The following CSGALNACT1 variants were observed in gnomAD, a reference collection of about 807,000 sequenced individuals.
The protein encoded by CSGALNACT1 is beta4GalNAcT-1.
Under a neutral mutation model 51.0 loss-of-function variants are expected in CSGALNACT1, and 52 were observed. The ratio of observed to expected loss-of-function variants is 1.02; its 90% CI spans 0.82 to 1.29. CSGALNACT1 has a LOEUF of 1.29. CSGALNACT1 is among the 50% of genes most tolerant of loss of function. The pLI is 0.00. For missense variants in CSGALNACT1, 935 were observed against 679.2 expected, an observed-to-expected ratio of 1.38 and a Z score of -4.19; for synonymous variants, 341 against 254.4, an observed-to-expected ratio of 1.34 and a Z score of -3.24.
intron 6 of CSGALNACT1, among the ~76,000 whole-genome samples, chr8:19,430,952 ATTG>A (rs1563354792): frequency 6.6e-6 from 1 of 151,960 alleles, no homozygotes; most frequent in South Asian, 2.1e-4. Flanking sequence ...TACTATGAAA[ATTG>A]TTTTCTTAAT....
chr8:19,588,743 G>A (rs796517908), intron 3 of CSGALNACT1, among the ~76,000 whole-genome samples: 31 of 152,294 alleles, frequency 2.0e-4, no homozygotes, highest in African/African-American at 7.2e-4. Flanking sequence ...AATTATTCCA[G>A]CTGCTCTGTG....
At position 19,561,366 on chromosome 8, in the gene CSGALNACT1, C is replaced by G. The variant is rs80331897; in HGVS notation, c.-297+29794G>C. Among the ~76,000 whole-genome samples the G allele has an allele frequency of 7.4e-3, 1,130 of 152,232 alleles. 15 individuals are homozygous for G. The highest frequency in any genetic ancestry group is 0.026 in the African/African-American group (1,074 of 41,530). ...TGTAAATTTCAGAGCTTGATTTGGACATAGGTTGGATAAGTGCTTCATGAC... is the reference window on the plus strand; with the variant it reads ...TGTAAATTTCAGAGCTTGATTTGGAGATAGGTTGGATAAGTGCTTCATGAC... On this transcript the variant is annotated intron_variant, in intron 3 of 9. Transcript: ENST00000454498.
At chr8:19,442,951 T>A (rs2061556496) in intron 5 of CSGALNACT1, among the ~76,000 whole-genome samples, 1 of 152,068 alleles carries the variant, frequency 6.6e-6, no homozygotes, top group African/African-American at 2.4e-5. Flanking sequence ...TCACTGAAGT[T>A]CACCCTTCCC....
chr8:19,473,548 C>G (rs1225455321), intron 4 of CSGALNACT1, among the ~76,000 whole-genome samples: 1 of 152,224 alleles, frequency 6.6e-6, no homozygotes, highest in Non-Finnish European at 1.5e-5. Context: ...GGCTTCACCA[C>G]TGACTTTCTA....
At chr8:19,477,868 T>A (rs1462585635) in intron 4 of CSGALNACT1, among the ~76,000 whole-genome samples, 1 of 152,196 alleles carries the variant, frequency 6.6e-6, no homozygotes, top group East Asian at 1.9e-4. Context: ...TTTGGGAGTG[T>A]GGGAAGAAAG....
intron 1 of CSGALNACT1, among the ~76,000 whole-genome samples, chr8:19,729,936 C>G (rs1335382194): frequency 6.6e-6 from 1 of 152,204 alleles, no homozygotes; most frequent in Non-Finnish European, 1.5e-5. Context: ...CCAGCACCTT[C>G]AGCTCTCAGC....
chr8:19,666,830 AGAG>A (rs2059263453), intron 1 of CSGALNACT1, among the ~76,000 whole-genome samples: 1 of 40,174 alleles, frequency 2.5e-5, no homozygotes, highest in Non-Finnish European at 5.1e-5. Flanking sequence ...AGAGAGAGAG[AGAG>A]AAAGAAAGAA....
chr8:19,729,703 TG>T (rs2063584949), intron 1 of CSGALNACT1, among the ~76,000 whole-genome samples: 1 of 152,180 alleles, frequency 6.6e-6, no homozygotes, highest in East Asian at 1.9e-4. Flanking sequence ...ACAGAAGACA[TG>T]GAGAACATGC....
intron 5 of CSGALNACT1, among the ~76,000 whole-genome samples, chr8:19,449,636 TCAAGTA>T (rs1586263728): frequency 1.3e-5 from 2 of 152,280 alleles, no homozygotes; most frequent in East Asian, 3.9e-4. Context: ...TATAGAAAAT[TCAAGTA>T]CAAGATTTCC....
At position 19,561,056 on chromosome 8, in the gene CSGALNACT1, CTTCA is replaced by C. The variant is rs1224507500; in HGVS notation, c.-297+30100_-297+30103del. On this transcript the variant is annotated intron_variant, in intron 3 of 9. Transcript: ENST00000454498. ...ACTCAAAAGAACATACAAAGGCTGACTTCATTTATATATAATTCAGTGATAACCA... is the reference window on the plus strand; with the variant it reads ...ACTCAAAAGAACATACAAAGGCTGACTTTATATATAATTCAGTGATAACCA... 3.9e-5 allele frequency among the ~76,000 whole-genome samples: 6 copies of C among 152,128 alleles called. No individual in the cohort carries two copies. The East Asian group carries it at 9.6e-4, about 24-fold the overall frequency.
At chr8:19,735,805 C>A (rs1257601228) in intron 1 of CSGALNACT1, among the ~76,000 whole-genome samples, 1 of 152,118 alleles carries the variant, frequency 6.6e-6, no homozygotes, top group African/African-American at 2.4e-5. Context: ...TCCAGACAAC[C>A]TTGACAGGTA....
intron 3 of CSGALNACT1, among the ~76,000 whole-genome samples, chr8:19,543,800 C>T (rs967185636): frequency 6.6e-6 from 1 of 152,176 alleles, no homozygotes; most frequent in Non-Finnish European, 1.5e-5. Context: ...GTAAGTGCAA[C>T]TAAATGCTGA....
chr8:19,456,690 T>C (rs921902845), intron 5 of CSGALNACT1, among the ~76,000 whole-genome samples: 1 of 152,112 alleles, frequency 6.6e-6, no homozygotes, highest in Non-Finnish European at 1.5e-5. Flanking sequence ...CTGCAAACAA[T>C]TATGCGATCA....
At chr8:19,604,486 G>A (rs1034716498), upstream of CSGALNACT1, among the ~76,000 whole-genome samples, 2 of 152,168 alleles carry the variant, frequency 1.3e-5, no homozygotes, top group African/African-American at 4.8e-5. Flanking sequence ...AGGCTCATAC[G>A]TGGTGAAGTC....
At chr8:19,442,278 AT>A (rs2061437432) in intron 5 of CSGALNACT1, among the ~76,000 whole-genome samples, 1 of 152,196 alleles carries the variant, frequency 6.6e-6, no homozygotes, top group Admixed American at 6.5e-5. Context: ...ATGTATGTTT[AT>A]TGCGGCACTA....
chr8:19,670,864 T>G (rs1317521697), intron 1 of CSGALNACT1, among the ~76,000 whole-genome samples: 1 of 152,254 alleles, frequency 6.6e-6, no homozygotes, highest in African/African-American at 2.4e-5. Context: ...ATTGTAAATA[T>G]GACTCCCCTG....
intron 8 of CSGALNACT1, among the ~76,000 whole-genome samples, chr8:19,410,553 C>T (rs2055440179): frequency 2.0e-5 from 3 of 152,164 alleles, no homozygotes; most frequent in Admixed American, 6.5e-5. Context: ...AGGAACGCTC[C>T]GAACAGGAAA....
intron 3 of CSGALNACT1, among the ~76,000 whole-genome samples, chr8:19,520,623 C>T (rs1001743396): frequency 6.6e-6 from 1 of 152,368 alleles, no homozygotes; most frequent in African/African-American, 2.4e-5. Context: ...ATAGATGCCA[C>T]ATGACAATTA....
intron 3 of CSGALNACT1, among the ~76,000 whole-genome samples, chr8:19,522,876 C>T (rs1201721890): frequency 6.6e-6 from 1 of 152,136 alleles, no homozygotes; most frequent in Non-Finnish European, 1.5e-5. Flanking sequence ...AGATTCTTCC[C>T]AAAGTAAGGC....
Sources: gnomAD v4.1 joint callset for allele counts (sites outside exome capture counted in the v4.1 genomes callset) on GRCh38, gnomAD v4.1.1 for gene constraint, MANE v1.5 for transcripts, NCBI Gene and HGNC (gene_info 2026-07-23, HGNC 2026-07-21) for gene names.